DIAPH2: variants seen among roughly 807,000 people sequenced by gnomAD.
DIAPH2 encodes the protein protein diaphanous homolog 2.
In DIAPH2, 35 loss-of-function variants were observed where a neutral mutation model predicts 92.7. The ratio of observed to expected loss-of-function variants is 0.38; its 90% CI spans 0.29 to 0.50. DIAPH2 has a LOEUF of 0.50. Among genes scored for constraint, DIAPH2 ranks in the 20% least tolerant of loss-of-function variants. The pLI, the probability that DIAPH2 is intolerant of heterozygous loss-of-function variation, is 0.94. For synonymous variants in DIAPH2, 301 were observed against 280.4 expected (o/e 1.07, Z -0.73); for missense variants, 701 against 819.5 (o/e 0.86, Z 1.77).
chrX:97,552,509 T>G lies in DIAPH2; in HGVS notation c.3242-46744T>G, dbSNP rs564413992. 2.7e-5 allele frequency among the ~76,000 whole-genome samples: 3 copies of G among 111,403 alleles called. No homozygotes were observed. In the East Asian group the frequency reaches 8.4e-4, roughly 31 times the overall value. Reference sequence around the variant, plus strand: ...GAATCAACACCTCAAAATTCAACATTTAATTCATTTCACTCTTCACTCATT... The same window carrying G: ...GAATCAACACCTCAAAATTCAACATGTAATTCATTTCACTCTTCACTCATT... On this transcript the variant is annotated intron_variant, in intron 26 of 26. Transcript: ENST00000324765.
At position 97,579,475 on chromosome X, in the gene DIAPH2, T is replaced by C. The variant is rs183367611; in HGVS notation, c.3242-19778T>C. Among the ~76,000 whole-genome samples the C allele has an allele frequency of 6.5e-3, 725 of 111,331 alleles. 6 individuals carry two copies. Among genetic ancestry groups the C allele is most frequent in the African/African-American group, 0.023 (696 of 30,501 alleles). ...TCAGGTTTGTCAAAGATCAGATAGT[T>C]GTAGATAGGCGGCGTTATTTCTGAG... On this transcript the variant is annotated intron_variant, in intron 26 of 26. Transcript: ENST00000324765.
chrX:96,723,729 A>G (rs1018997523), intron 1 of DIAPH2, among the ~76,000 whole-genome samples: 1 of 111,571 alleles, frequency 9.0e-6, no homozygotes, highest in East Asian at 2.8e-4. Context: ...AGAAAACTTC[A>G]GTAGTATTGA....
In DIAPH2 at chrX:97,294,778, AC is replaced by A. The variant is rs1201689091; in HGVS notation, c.2844+46940del. 2.7e-5 allele frequency among the ~76,000 whole-genome samples: 3 copies of A among 111,944 alleles called. No homozygotes were observed. The East Asian group carries it at 8.4e-4, about 31-fold the overall frequency. On this transcript the variant is annotated intron_variant, in intron 23 of 26. Coordinates refer to ENST00000324765, the MANE Select transcript of DIAPH2 (RefSeq NM_006729.5). ...ATTTTTATAATTTAGCAAATATTCAACTAATATTTACGGAGTTCCAGGTATG... is the reference window on the plus strand; with the variant it reads ...ATTTTTATAATTTAGCAAATATTCAATAATATTTACGGAGTTCCAGGTATG...
chrX:96,769,926 C>T (rs951087608), intron 4 of DIAPH2, among the ~76,000 whole-genome samples: 5 of 111,870 alleles, frequency 4.5e-5, no homozygotes, highest in Non-Finnish European at 3.8e-5. Context: ...GGCTGGGCGC[C>T]GTGGCTCACG....
intron 17 of DIAPH2, among the ~76,000 whole-genome samples, chrX:96,968,554 C>G (rs2147828817): frequency 8.9e-6 from 1 of 111,786 alleles, no homozygotes; most frequent in African/African-American, 3.2e-5. Flanking sequence ...TGTTCATGTT[C>G]TTTGCCCACT....
At chrX:96,938,941 G>C (rs2065675533) in intron 11 of DIAPH2, among the ~76,000 whole-genome samples, 1 of 111,509 alleles carries the variant, frequency 9.0e-6, no homozygotes, top group Non-Finnish European at 1.9e-5. Flanking sequence ...GAGATCAAAA[G>C]GAAACCATTT....
intron 22 of DIAPH2, among the ~76,000 whole-genome samples, chrX:97,210,480 A>ATGTATTC (rs1395709351): frequency 1.8e-5 from 2 of 111,948 alleles, no homozygotes; most frequent in Admixed American, 1.9e-4. Flanking sequence ...CATTTAAAAA[A>ATGTATTC]TGTATTCTCT....
chrX:97,049,407 CAG>C (rs987768932), intron 17 of DIAPH2, among the ~76,000 whole-genome samples: 1 of 110,475 alleles, frequency 9.1e-6, no homozygotes, highest in African/African-American at 3.3e-5. Context: ...AAGGAGAAAA[CAG>C]AGTCTGTTTC....
chrX:97,562,341 C>CAA (rs760285716), intron 26 of DIAPH2, among the ~76,000 whole-genome samples: 1 of 86,728 alleles, frequency 1.2e-5, no homozygotes, highest in African/African-American at 4.1e-5. Context: ...ACTAAAAATA[C>CAA]AAAAAAAAAA....
chrX:97,511,977 G>A (rs1394839627), intron 26 of DIAPH2, among the ~76,000 whole-genome samples: 7 of 113,345 alleles, frequency 6.2e-5, no homozygotes, highest in African/African-American at 2.3e-4. Context: ...TCTCTTTTTT[G>A]GTTGTGTCTC....
rs187387623 is a variant in DIAPH2 at position 97,267,565 on chromosome X, A to T, written c.2844+19726A>T. 9.9e-5 allele frequency among the ~76,000 whole-genome samples: 11 copies of T among 111,491 alleles called. No individual in the cohort carries two copies. The Admixed American group carries it at 1.1e-3, about 11-fold the overall frequency. On this transcript the variant is annotated intron_variant, in intron 23 of 26. Coordinates refer to ENST00000324765, the MANE Select transcript of DIAPH2 (RefSeq NM_006729.5). Reference sequence around the variant, plus strand: ...TGCCAAGCTCCCAGTTGCAATGCTAACAAGTAGGAAGTCCCATTAACTTTT... The same window carrying T: ...TGCCAAGCTCCCAGTTGCAATGCTATCAAGTAGGAAGTCCCATTAACTTTT...
chrX:96,735,334 T>C (rs1435208201), intron 1 of DIAPH2, among the ~76,000 whole-genome samples: 1 of 112,132 alleles, frequency 8.9e-6, no homozygotes, highest in African/African-American at 3.2e-5. Flanking sequence ...GCTGTTTCAT[T>C]ATATTTCATT....
intron 4 of DIAPH2, among the ~76,000 whole-genome samples, chrX:96,873,732 CA>C (rs2065160355): frequency 9.2e-6 from 1 of 108,331 alleles, no homozygotes; most frequent in Non-Finnish European, 1.9e-5. Context: ...ATATAACACA[CA>C]AATAAGTACA....
At chrX:96,796,692 A>G (rs776139875) in intron 4 of DIAPH2, among the ~76,000 whole-genome samples, 2 of 111,683 alleles carry the variant, frequency 1.8e-5, no homozygotes, top group Non-Finnish European at 3.8e-5. Context: ...TACTTTTTCT[A>G]TAAGCACCTT....
chrX:96,724,720 T>C (rs968423006), intron 1 of DIAPH2, among the ~76,000 whole-genome samples: 8 of 112,105 alleles, frequency 7.1e-5, no homozygotes, highest in African/African-American at 9.7e-5. Flanking sequence ...ACTGTTGTCT[T>C]AACATCCAGA....
Position 96,973,512 on chromosome X carries a change from A to G in DIAPH2, c.2050+8305A>G, listed in dbSNP as rs150828172. On this transcript the variant is annotated intron_variant, in intron 17 of 26. Coordinates refer to ENST00000324765, the MANE Select transcript of DIAPH2 (RefSeq NM_006729.5). ...CAAAAGAAAGAAATGTAAAAAATACAGTATAACAACTATTTACATAGTATT... is the reference window on the plus strand; with the variant it reads ...CAAAAGAAAGAAATGTAAAAAATACGGTATAACAACTATTTACATAGTATT... 3.0e-3 allele frequency among the ~76,000 whole-genome samples: 339 copies of G among 111,452 alleles called. 2 individuals carry two copies. Among genetic ancestry groups the G allele is most frequent in the South Asian group, 0.026 (69 of 2,613 alleles).
intron 1 of DIAPH2, among the ~76,000 whole-genome samples, chrX:96,697,639 T>C (rs2063832427): frequency 9.0e-6 from 1 of 111,194 alleles, no homozygotes; most frequent in African/African-American, 3.3e-5. Context: ...AGCGAGACTC[T>C]GTCTCAAAAA....
intron 9 of DIAPH2, among the ~76,000 whole-genome samples, chrX:96,929,467 T>A (rs2147792599): frequency 9.0e-6 from 1 of 111,207 alleles, no homozygotes; most frequent in South Asian, 3.8e-4. Flanking sequence ...AATCAGCCCT[T>A]TTAAAGCATG....
At chrX:97,241,800 G>A (rs1239954808) in intron 22 of DIAPH2, among the ~76,000 whole-genome samples, 2 of 88,508 alleles carry the variant, frequency 2.3e-5, no homozygotes, top group South Asian at 5.8e-4. Context: ...TTTTTGAGAC[G>A]GAGTCTCACT....
Sources: gnomAD v4.1 joint callset for allele counts (sites outside exome capture counted in the v4.1 genomes callset) on GRCh38, gnomAD v4.1.1 for gene constraint, MANE v1.5 for transcripts, NCBI Gene and HGNC (gene_info 2026-07-23, HGNC 2026-07-21) for gene names.